Variants in CHN2 observed in about 807,000 individuals in gnomAD.
The protein encoded by CHN2 is beta-chimaerin.
In CHN2, 35 loss-of-function variants were observed where a neutral mutation model predicts 56.3. That is an observed-to-expected ratio of 0.62 (90% confidence interval 0.47 to 0.82). The LOEUF (loss-of-function observed/expected upper bound fraction) is 0.82, where lower values mean the gene tolerates loss of function less well. Ranked by LOEUF, CHN2 falls within the 40% of genes least tolerant of loss-of-function variation. The pLI is 0.00. For missense variants in CHN2, 491 were observed against 580.5 expected (o/e 0.85, Z 1.58); for synonymous variants, 210 against 212.8 (o/e 0.99, Z 0.12).
At chr7:29,273,441 T>C (rs1428981349) in intron 1 of CHN2, among the ~76,000 whole-genome samples, 1 of 146,762 alleles carries the variant, frequency 6.8e-6, no homozygotes, top group Non-Finnish European at 1.5e-5. Context: ...ATTTAGTTTG[T>C]ATCCATATCT....
intron 7 of CHN2, among the ~76,000 whole-genome samples, chr7:29,494,471 A>G (rs1437926028): frequency 1.3e-5 from 2 of 152,164 alleles, no homozygotes; most frequent in South Asian, 2.1e-4. Context: ...TTAGTACTGC[A>G]TTCAATCTTG....
At chr7:29,381,200 G>A (rs1443471342) in intron 3 of CHN2, among the ~76,000 whole-genome samples, 1 of 152,104 alleles carries the variant, frequency 6.6e-6, no homozygotes, top group Admixed American at 6.5e-5. Context: ...TGATTCTCTG[G>A]CCCTGGTTGG....
chr7:29,406,713 C>T (rs1370199186), intron 6 of CHN2, among the ~76,000 whole-genome samples: 4 of 152,162 alleles, frequency 2.6e-5, no homozygotes, highest in Non-Finnish European at 5.9e-5. Context: ...AATGCACGTT[C>T]CCAGGAGCCA....
intron 6 of CHN2, chr7:29,479,542 A>G (rs1335144201): frequency 2.0e-6 from 1 of 492,066 alleles, no homozygotes; most frequent in Non-Finnish European, 2.6e-6. Flanking sequence ...GTGCTAAGGC[A>G]GATTTTTAAT....
chr7:29,363,330 C>T (rs1798880242), intron 2 of CHN2, among the ~76,000 whole-genome samples: 1 of 152,164 alleles, frequency 6.6e-6, no homozygotes, highest in East Asian at 1.9e-4. Flanking sequence ...TACAAAAATA[C>T]AAAAATTAGC....
intron 1 of CHN2, among the ~76,000 whole-genome samples, chr7:29,252,317 T>C (rs1020224207): frequency 1.3e-5 from 2 of 150,684 alleles, no homozygotes; most frequent in African/African-American, 4.9e-5. Flanking sequence ...GCCTCCCGAG[T>C]AGCTGGGACT....
At chr7:29,459,861 A>C (rs1188473863) in intron 6 of CHN2, among the ~76,000 whole-genome samples, 1 of 152,194 alleles carries the variant, frequency 6.6e-6, no homozygotes, top group Non-Finnish European at 1.5e-5. Flanking sequence ...ATTAGAAACC[A>C]GGCAACCACA....
intron 6 of CHN2, among the ~76,000 whole-genome samples, chr7:29,434,857 C>T (rs903200754): frequency 6.6e-6 from 1 of 152,120 alleles, no homozygotes; most frequent in Non-Finnish European, 1.5e-5. Flanking sequence ...TTTGGAAGGC[C>T]AGGGCAGGCA....
rs553154167 is a variant in CHN2, at chr7:29,433,855, A to G, written c.576+33027A>G. ...CTCCATCTAAACAAAAAAAAAAAGGAAGGAAGGGAGAGGGGGAGGAAGGGA... is the reference window on the plus strand; with the variant it reads ...CTCCATCTAAACAAAAAAAAAAAGGGAGGAAGGGAGAGGGGGAGGAAGGGA... On this transcript the variant is annotated intron_variant, in intron 6 of 12. Coordinates refer to ENST00000222792, the MANE Select transcript of CHN2 (RefSeq NM_004067.4). Among the ~76,000 whole-genome samples the G allele has an allele frequency of 2.1e-5, 3 of 142,880 alleles. No individual in the cohort carries two copies. In the South Asian group the frequency reaches 6.9e-4, roughly 33 times the overall value. 93.7% of individuals were successfully genotyped at this position (142,880 alleles called of 152,430 possible). A position where few individuals can be genotyped will look rare whatever the true frequency, so the allele number is the denominator to read the frequency against.
At chr7:29,500,114 AAC>A (rs1288372678) in intron 9 of CHN2, 74 bp downstream of exon 9, 2 of 1,204,132 alleles carry the variant, frequency 1.7e-6, no homozygotes, top group Non-Finnish European at 2.2e-6. Context: ...TTGTCAAGGA[AAC>A]AGAGTTGCTC....
intron 1 of CHN2, among the ~76,000 whole-genome samples, chr7:29,237,683 C>A (rs908776600): frequency 1.3e-5 from 2 of 152,124 alleles, no homozygotes; most frequent in Admixed American, 6.5e-5. Flanking sequence ...GGCAGGAGAT[C>A]AGCTCTGAGC....
At chr7:29,305,857 TCCC>T (rs1351661553) in intron 1 of CHN2, among the ~76,000 whole-genome samples, 6 of 151,788 alleles carry the variant, frequency 4.0e-5, no homozygotes, top group African/African-American at 1.2e-4. Context: ...TCTCTCTTTC[TCCC>T]CTCTTTCTAC....
chr7:29,264,123 C>A (rs549562849), intron 1 of CHN2, among the ~76,000 whole-genome samples: 2 of 144,988 alleles, frequency 1.4e-5, no homozygotes, highest in Non-Finnish European at 3.0e-5. Flanking sequence ...AAGTGAGGAG[C>A]CCCTCTGCCC....
At position 29,499,896 on chromosome 7, in the gene CHN2, T is replaced by G; in HGVS notation, c.769T>G (p.Ser257Ala). Residue 257 changes from serine (S) to alanine (A), a missense_variant, in exon 9 of 13, where the codon TCC becomes GCC. Transcript: ENST00000222792. ...TGGATTGAACGTACACAAACAGTGTTCCAAGCACGTTCCCAATGACTGCCA... is the reference window on the plus strand; with the variant it reads ...TGGATTGAACGTACACAAACAGTGTGCCAAGCACGTTCCCAATGACTGCCA... ...DCGLNVHKQC[S>A]KHVPNDCQPD... The G allele has an allele frequency of 1.2e-6, 2 of 1,609,040 alleles. No individual in the cohort carries two copies. Among genetic ancestry groups the G allele is most frequent in the Non-Finnish European group, 1.7e-6 (2 of 1,178,292 alleles).
intron 1 of CHN2, among the ~76,000 whole-genome samples, chr7:29,254,292 A>C (rs1012759955): frequency 6.6e-6 from 1 of 152,218 alleles, no homozygotes; most frequent in African/African-American, 2.4e-5. Flanking sequence ...CCTGGTACAC[A>C]GTACCCCTGT....
At chr7:29,152,439 T>C (rs1431571576) in intron 2 of CHN2, among the ~76,000 whole-genome samples, 1 of 152,158 alleles carries the variant, frequency 6.6e-6, no homozygotes, top group Non-Finnish European at 1.5e-5. Flanking sequence ...TAAATCTTTC[T>C]TGCTTTCCTC....
chr7:29,263,911 C>T (rs1456161821), intron 1 of CHN2, among the ~76,000 whole-genome samples: 9 of 151,344 alleles, frequency 5.9e-5, no homozygotes, highest in Non-Finnish European at 1.3e-4. Flanking sequence ...CGCCCGGCAG[C>T]CTCCCTGTCC....
chr7:29,494,473 T>C (rs1234385752), intron 7 of CHN2, among the ~76,000 whole-genome samples: 2 of 152,150 alleles, frequency 1.3e-5, no homozygotes, highest in East Asian at 3.9e-4. Context: ...AGTACTGCAT[T>C]CAATCTTGGT....
intron 6 of CHN2, among the ~76,000 whole-genome samples, chr7:29,437,427 T>C (rs1783312362): frequency 9.0e-6 from 1 of 110,880 alleles, no homozygotes; most frequent in African/African-American, 4.4e-5. Context: ...TGAAACCCCG[T>C]CTCTACTAAA....
Sources: gnomAD v4.1 joint callset for allele counts (sites outside exome capture counted in the v4.1 genomes callset) on GRCh38, gnomAD v4.1.1 for gene constraint, MANE v1.5 for transcripts, NCBI Gene and HGNC (gene_info 2026-07-23, HGNC 2026-07-21) for gene names.